Variants in ELF1 observed in about 807,000 individuals in gnomAD.
ELF1 encodes ETS-related transcription factor Elf-1.
In ELF1, 24 loss-of-function variants were observed where a neutral mutation model predicts 59.9. The ratio of observed to expected loss-of-function variants is 0.40; its 90% CI spans 0.29 to 0.56. The LOEUF (loss-of-function observed/expected upper bound fraction) is 0.56. Among genes scored for constraint, ELF1 ranks in the 20% least tolerant of loss-of-function variants. The probability of loss-of-function intolerance (pLI) is 0.44; values close to 1 mark genes in which losing one functional copy is unlikely to be tolerated. For synonymous variants in ELF1, 248 were observed against 266.2 expected (o/e 0.93, Z 0.67); for missense variants, 627 against 742.2 (o/e 0.84, Z 1.80).
At chr13:40,943,767 G>A in intron 6 of ELF1, 75 bp downstream of exon 6, 1 of 1,258,160 alleles carries the variant, frequency 7.9e-7, no homozygotes, top group Non-Finnish European at 1.1e-6. Flanking sequence ...AAAGCTGGTG[G>A]TTTCTAGTTA....
intron 1 of ELF1, among the ~76,000 whole-genome samples, chr13:41,058,177 T>C (rs2138443525): frequency 6.6e-6 from 1 of 152,342 alleles, no homozygotes; most frequent in South Asian, 2.1e-4. Context: ...TGACATAAAA[T>C]GTCACTCCTT....
intron 7 of ELF1, among the ~76,000 whole-genome samples, chr13:40,941,744 A>G (rs561717642): frequency 1.3e-5 from 2 of 152,220 alleles, no homozygotes; most frequent in African/African-American, 4.8e-5. Context: ...TGCAGCCTTG[A>G]ACTCCTGGCC....
At chr13:40,955,959 G>GC (rs574214450) in intron 3 of ELF1, among the ~76,000 whole-genome samples, 15,077 of 114,062 alleles carry the variant, frequency 0.13, 1,832 homozygotes, top group African/African-American at 0.19. Context: ...GGGGGGGTCA[G>GC]CCCCCCGCCC....
At chr13:41,053,402 C>T (rs1201821099) in intron 1 of ELF1, among the ~76,000 whole-genome samples, 1 of 152,060 alleles carries the variant, frequency 6.6e-6, no homozygotes, top group East Asian at 1.9e-4. Flanking sequence ...ACCATTAGTA[C>T]ATTACCAAAA....
intron 1 of ELF1, among the ~76,000 whole-genome samples, chr13:41,013,059 A>T (rs1326990990): frequency 6.6e-6 from 1 of 152,112 alleles, no homozygotes; most frequent in African/African-American, 2.4e-5. Context: ...GGTCAAATAT[A>T]TTGTTGTCTA....
intron 1 of ELF1, among the ~76,000 whole-genome samples, chr13:40,995,127 T>C (rs1874065659): frequency 6.6e-6 from 1 of 152,204 alleles, no homozygotes; most frequent in Admixed American, 6.5e-5. Flanking sequence ...AAGCAAGATT[T>C]AAAGGTCATC....
At chr13:40,979,726 C>T (rs897319702) in intron 2 of ELF1, among the ~76,000 whole-genome samples, 2 of 152,116 alleles carry the variant, frequency 1.3e-5, no homozygotes, top group Non-Finnish European at 2.9e-5. Context: ...TTAAAAGCAA[C>T]CTCTGTATGC....
chr13:41,030,367 T>C (rs1005771306), intron 1 of ELF1, among the ~76,000 whole-genome samples: 2 of 152,082 alleles, frequency 1.3e-5, no homozygotes, highest in African/African-American at 2.4e-5. Flanking sequence ...AAAGTTTTCA[T>C]GGTACAGCAA....
intron 8 of ELF1, among the ~76,000 whole-genome samples, chr13:40,939,226 G>A (rs1869978958): frequency 6.6e-6 from 1 of 152,048 alleles, no homozygotes; most frequent in Admixed American, 6.6e-5. Flanking sequence ...GAGGTGAGAG[G>A]ACTGCTTGAG....
At chr13:40,994,159 T>C (rs1262496749) in intron 1 of ELF1, among the ~76,000 whole-genome samples, 4 of 150,936 alleles carry the variant, frequency 2.7e-5, no homozygotes, top group Non-Finnish European at 5.9e-5. Flanking sequence ...TTCTTTCACA[T>C]AGTTCTTCAC....
intron 1 of ELF1, among the ~76,000 whole-genome samples, chr13:41,025,728 A>G (rs1875868926): frequency 6.6e-6 from 1 of 152,210 alleles, no homozygotes; most frequent in African/African-American, 2.4e-5. Context: ...CATACTGCTG[A>G]TAAATAAACC....
chr13:40,945,597 A>C (rs1870454973), intron 5 of ELF1, among the ~76,000 whole-genome samples: 1 of 152,190 alleles, frequency 6.6e-6, no homozygotes, highest in Admixed American at 6.5e-5. Flanking sequence ...CTCAGGATTC[A>C]CAATGCTGAG....
intron 2 of ELF1, among the ~76,000 whole-genome samples, chr13:40,975,050 T>C (rs1872817219): frequency 6.6e-6 from 1 of 152,208 alleles, no homozygotes; most frequent in Non-Finnish European, 1.5e-5. Context: ...TTTCTTAAGT[T>C]TGATATGACA....
At chr13:40,990,717 T>C (rs1390732881) in intron 1 of ELF1, among the ~76,000 whole-genome samples, 1 of 151,732 alleles carries the variant, frequency 6.6e-6, no homozygotes, top group Non-Finnish European at 1.5e-5. Context: ...TAGCCGGGCT[T>C]GGTGGTGTGT....
intron 4 of ELF1, 116 bp from the exon 5 acceptor site, chr13:40,950,089 G>A: frequency 9.4e-6 from 9 of 956,960 alleles, no homozygotes; most frequent in African/African-American, 1.7e-5. Context: ...ATAAAATCTT[G>A]AAATCTATTC....
intron 3 of ELF1, 123 bp from the exon 4 acceptor site, chr13:40,951,559 A>G: frequency 1.7e-6 from 1 of 588,784 alleles, no homozygotes; most frequent in Non-Finnish European, 2.7e-6. Context: ...ATATATATAT[A>G]AACTATAAAC....
intron 3 of ELF1, among the ~76,000 whole-genome samples, chr13:40,955,409 C>T (rs1398846536): frequency 2.9e-5 from 4 of 139,106 alleles, no homozygotes; most frequent in African/African-American, 8.1e-5. Context: ...GCTGCCCATC[C>T]GGGAAGGAGG....
chr13:41,015,087 C>T (rs1875279317), intron 1 of ELF1, among the ~76,000 whole-genome samples: 1 of 152,000 alleles, frequency 6.6e-6, no homozygotes, highest in African/African-American at 2.4e-5. Flanking sequence ...CTGTAAATGC[C>T]ACCCTAAATC....
At chr13:40,954,793 C>T (rs370071783) in intron 3 of ELF1, among the ~76,000 whole-genome samples, 4 of 148,450 alleles carry the variant, frequency 2.7e-5, no homozygotes, top group Admixed American at 1.3e-4. Flanking sequence ...GATCTCGGCT[C>T]GCTACAACCT....
Sources: allele counts gnomAD v4.1 joint callset (sites outside exome capture counted in the v4.1 genomes callset), GRCh38; gene constraint gnomAD v4.1.1; transcripts MANE v1.5; gene names NCBI Gene and HGNC (gene_info 2026-07-23, HGNC 2026-07-21).